PLEKHH2: variants seen among roughly 807,000 people sequenced by gnomAD.
PLEKHH2 encodes pleckstrin homology domain-containing family H member 2.
In PLEKHH2, 129 loss-of-function variants were observed where a neutral mutation model predicts 187.9. The ratio of observed to expected loss-of-function variants is 0.69; its 90% CI spans 0.59 to 0.79. PLEKHH2 has a LOEUF of 0.79. Ranked by LOEUF, PLEKHH2 falls within the 30% of genes least tolerant of loss-of-function variation. The pLI, the probability that PLEKHH2 is intolerant of heterozygous loss-of-function variation, is 0.00. For missense variants in PLEKHH2, 2,076 were observed against 1,751.2 expected (o/e 1.19, Z -3.31); for synonymous variants, 686 against 605.6 (o/e 1.13, Z -1.95).
intron 1 of PLEKHH2, among the ~76,000 whole-genome samples, chr2:43,640,048 T>C (rs753535734): frequency 1.3e-4 from 20 of 152,156 alleles, no homozygotes; most frequent in Non-Finnish European, 2.1e-4. Context: ...TGAACATTTA[T>C]TTACAAGTTT....
At chr2:43,714,658 G>T (rs1293873729) in intron 15 of PLEKHH2, among the ~76,000 whole-genome samples, 1 of 152,058 alleles carries the variant, frequency 6.6e-6, no homozygotes, top group Non-Finnish European at 1.5e-5. Flanking sequence ...TTATTTTAAT[G>T]CTTAGGAAAA....
At chr2:43,706,551 C>T (rs1669667445) in intron 10 of PLEKHH2, 135 bp downstream of exon 10, 5 of 651,454 alleles carry the variant, frequency 7.7e-6, no homozygotes, top group Admixed American at 3.2e-5. Context: ...TACAAGTTCA[C>T]GTTAACATAT....
At chr2:43,728,640 C>A (rs1419784958) in intron 17 of PLEKHH2, among the ~76,000 whole-genome samples, 3 of 149,390 alleles carry the variant, frequency 2.0e-5, no homozygotes, top group Non-Finnish European at 3.0e-5. Context: ...CGGCTCACTG[C>A]AACCTCCGCC....
chr2:43,720,750 G>A lies in PLEKHH2; in HGVS notation c.2541+1G>A, dbSNP rs767008441. ...TTATTTTCGGAGTCAAGAAGATAAG[G>A]TATGTATGTATTTTTAATATGCCAA... On this transcript the variant is annotated splice_donor_variant, in intron 16 of 29. Coordinates refer to ENST00000282406, the MANE Select transcript of PLEKHH2 (RefSeq NM_172069.4). LOFTEE classifies it high-confidence loss of function. The A allele has an allele frequency of 2.3e-5, 36 of 1,599,270 alleles. No homozygotes were observed. Among genetic ancestry groups the A allele is most frequent in the Non-Finnish European group, 3.0e-5 (35 of 1,175,868 alleles).
At chr2:43,716,695 C>T (rs1380846636) in intron 15 of PLEKHH2, among the ~76,000 whole-genome samples, 1 of 152,174 alleles carries the variant, frequency 6.6e-6, no homozygotes, top group African/African-American at 2.4e-5. Context: ...CAACCATATG[C>T]CCATCACCTT....
At chr2:43,727,375 G>A (rs1234477026) in intron 17 of PLEKHH2, among the ~76,000 whole-genome samples, 2 of 136,042 alleles carry the variant, frequency 1.5e-5, no homozygotes, top group Non-Finnish European at 3.0e-5. Context: ...TCGCACCACT[G>A]CACTCCAGCC....
intron 25 of PLEKHH2, among the ~76,000 whole-genome samples, chr2:43,755,583 A>G (rs924621613): frequency 1.3e-5 from 2 of 152,176 alleles, no homozygotes; most frequent in South Asian, 4.1e-4. Context: ...TAAGACAGTA[A>G]TTTGGGCAGG....
intron 29 of PLEKHH2, among the ~76,000 whole-genome samples, chr2:43,764,886 A>G (rs1477493974): frequency 6.6e-6 from 1 of 152,236 alleles, no homozygotes; most frequent in Non-Finnish European, 1.5e-5. Flanking sequence ...CTAACATGTA[A>G]TTCTAATTGA....
intron 8 of PLEKHH2, 55 bp from the exon 9 acceptor site, chr2:43,703,926 T>G: frequency 1.8e-6 from 1 of 559,140 alleles, no homozygotes; most frequent in Non-Finnish European, 2.9e-6. Context: ...CTTTTTTTTT[T>G]TTTTTTTTTT....
intron 24 of PLEKHH2, among the ~76,000 whole-genome samples, chr2:43,750,071 G>A (rs1671945142): frequency 6.6e-6 from 1 of 152,174 alleles, no homozygotes. Flanking sequence ...GCCAAGGCAT[G>A]TTTTTAACAA....
At chr2:43,657,278 TAGTAGTTGGGATTACAGGTGCTTCCA>T (rs1262976284) in intron 2 of PLEKHH2, among the ~76,000 whole-genome samples, 2 of 152,140 alleles carry the variant, frequency 1.3e-5, no homozygotes, top group Non-Finnish European at 2.9e-5. Flanking sequence ...TCAGCCCTCC[TAGTAGTTGGGATTACAGGTGCTTCCA>T]AGTAGTTGGG....
chr2:43,671,548 G>GAAAGCATTC (rs1302090270), intron 2 of PLEKHH2, among the ~76,000 whole-genome samples: 1 of 152,138 alleles, frequency 6.6e-6, no homozygotes, highest in East Asian at 1.9e-4. Context: ...TCTTGTGGAG[G>GAAAGCATTC]AAAGCATTCA....
At chr2:43,720,537 C>T in intron 15 of PLEKHH2, 132 bp from the exon 16 acceptor site, 1 of 1,411,710 alleles carries the variant, frequency 7.1e-7, no homozygotes, top group African/African-American at 1.5e-5. Context: ...CAGCACTGGA[C>T]AATCTATTTG....
At position 43,764,390 on chromosome 2, in the gene PLEKHH2, T is replaced by C. The variant is rs1417773313; in HGVS notation, c.4296+25T>C. On this transcript the variant is annotated intron_variant, in intron 29 of 29. Coordinates refer to ENST00000282406, the MANE Select transcript of PLEKHH2 (RefSeq NM_172069.4). ...GGTGAGTAGAAGCCTTTCTGCCAAC[T>C]TTTTTGTCCTAGTTGTTTTCACTTA... 2.5e-6 allele frequency: 4 copies of C among 1,606,832 alleles called. No homozygotes were observed. In the Admixed American group the frequency reaches 5.1e-5, roughly 20 times the overall value.
chr2:43,710,383 G>A, intron 13 of PLEKHH2, 53 bp downstream of exon 13: 5 of 1,590,058 alleles, frequency 3.1e-6, no homozygotes, highest in Non-Finnish European at 4.3e-6. Flanking sequence ...CTATAAATCA[G>A]ACGCCTGATT....
rs770821206 is a variant in PLEKHH2 at position 43,700,428 on chromosome 2, T to C, written c.1470T>C (p.Asp490=). Residue 490 remains aspartate (D), a synonymous_variant, in exon 8 of 30, where the codon GAT becomes GAC. Coordinates refer to ENST00000282406, the MANE Select transcript of PLEKHH2 (RefSeq NM_172069.4). ...TGAGACCTCAGGAAACTGATCTTGA[T>C]CTAGTTGATGGAGACAGTACAGAAG... is the stretch of plus-strand genomic sequence containing the variant. ...RPLRPQETDL[D]LVDGDSTEVL... 2 of 1,614,000 alleles carry C rather than the reference T, an allele frequency of 1.2e-6. No individual in the cohort carries two copies. The highest frequency in any genetic ancestry group is 3.3e-5 in the Admixed American group (2 of 60,012).
chr2:43,700,922 C>A (rs941266936), intron 8 of PLEKHH2, among the ~76,000 whole-genome samples: 23 of 152,130 alleles, frequency 1.5e-4, no homozygotes, highest in African/African-American at 5.3e-4. Context: ...AGTGTCCACA[C>A]TCATTTTCAA....
At chr2:43,672,139 C>G (rs887825490) in intron 2 of PLEKHH2, among the ~76,000 whole-genome samples, 1 of 152,140 alleles carries the variant, frequency 6.6e-6, no homozygotes, top group Non-Finnish European at 1.5e-5. Flanking sequence ...CTTAAATGAG[C>G]TTTGCTATTT....
At chr2:43,646,697 T>A (rs1217706023) in intron 2 of PLEKHH2, among the ~76,000 whole-genome samples, 1 of 152,154 alleles carries the variant, frequency 6.6e-6, no homozygotes, top group Admixed American at 6.5e-5. Context: ...AATAGCTTTT[T>A]TATTATTAAT....
Sources: gnomAD v4.1 joint callset for allele counts (sites outside exome capture counted in the v4.1 genomes callset) on GRCh38, gnomAD v4.1.1 for gene constraint, MANE v1.5 for transcripts, NCBI Gene and HGNC (gene_info 2026-07-23, HGNC 2026-07-21) for gene names.